The following PAM variants were observed in gnomAD, a reference collection of about 807,000 sequenced individuals.
PAM encodes peptidyl-glycine alpha-amidating monooxygenase.
A neutral mutation model predicts 122.1 loss-of-function variants in PAM; 72 were observed. That is an observed-to-expected ratio of 0.59 (90% confidence interval 0.49 to 0.72). PAM has a LOEUF of 0.72. PAM is among the 30% of genes least tolerant of loss of function. The probability of loss-of-function intolerance (pLI) is 0.00; values close to 1 mark genes in which losing one functional copy is unlikely to be tolerated. For missense variants in PAM, 1,106 were observed against 1,183.7 expected, an observed-to-expected ratio of 0.93 and a Z score of 0.96; for synonymous variants, 389 against 404.4, an observed-to-expected ratio of 0.96 and a Z score of 0.46.
chr5:102,974,272 C>A lies in PAM; in HGVS notation c.1319C>A (p.Ala440Asp). The A allele has an allele frequency of 6.2e-7, 1 of 1,614,008 alleles. No homozygotes were observed. The highest frequency in any genetic ancestry group is 8.5e-7 in the Non-Finnish European group (1 of 1,179,940). Residue 440 changes from alanine to aspartate, a missense_variant, in exon 15 of 26, where the codon GCC (alanine) becomes GAC (aspartate). Ala to Asp is a moderately radical substitution (Grantham distance 126). Coordinates refer to ENST00000438793, the MANE Select transcript of PAM (RefSeq NM_001177306.2). The part of the protein sequence containing the change: ...VQKKDLGRSD[A>D]REGAEHERGN... Reference sequence around the variant, plus strand: ...AAAAAGGATCTTGGTCGATCTGATGCCAGAGAGGGTGCAGAACATGAGAGG... The same window carrying A: ...AAAAAGGATCTTGGTCGATCTGATGACAGAGAGGGTGCAGAACATGAGAGG...
chr5:102,804,463 T>TCC lies in PAM; in HGVS notation c.-374+49115_-374+49116insCC, dbSNP rs1765691065. On this transcript the variant is annotated intron_variant, in intron 1 of 25. Transcript: ENST00000438793. ...CAGGGAAATTTGGTTGCTAACTGGA[T>TCC]TTAAGGGTGATGGGGAGTTACAACC... Among the ~76,000 whole-genome samples the TCC allele has an allele frequency of 2.6e-5, 4 of 152,140 alleles. No individual in the cohort carries two copies. In the East Asian group the frequency reaches 7.7e-4, roughly 29 times the overall value.
At chr5:102,955,273 TATA>T (rs1373045113) in intron 12 of PAM, among the ~76,000 whole-genome samples, 1 of 151,980 alleles carries the variant, frequency 6.6e-6, no homozygotes, top group Non-Finnish European at 1.5e-5. Flanking sequence ...ATCTTTCTAA[TATA>T]ATATATTTTA....
chr5:102,791,141 T>C (rs1761955615), intron 1 of PAM, among the ~76,000 whole-genome samples: 1 of 152,128 alleles, frequency 6.6e-6, no homozygotes, highest in Non-Finnish European at 1.5e-5. Flanking sequence ...ATTGGGATCT[T>C]AGAAATTTGT....
intron 1 of PAM, among the ~76,000 whole-genome samples, chr5:102,788,331 C>A (rs1375024729): frequency 6.6e-6 from 1 of 152,086 alleles, no homozygotes; most frequent in Non-Finnish European, 1.5e-5. Context: ...ATGAAGGTGG[C>A]AGTGAGTTAT....
chr5:102,964,285 A>G (rs1473452426), intron 14 of PAM, among the ~76,000 whole-genome samples: 5 of 151,966 alleles, frequency 3.3e-5, no homozygotes, highest in Non-Finnish European at 5.9e-5. Context: ...GAAATTAACT[A>G]GAAATTAACT....
At chr5:102,819,592 A>G (rs1253228466) in intron 1 of PAM, among the ~76,000 whole-genome samples, 6 of 152,198 alleles carry the variant, frequency 3.9e-5, no homozygotes, top group African/African-American at 1.4e-4. Context: ...GCCTTAAAAG[A>G]AACAATGTAA....
chr5:102,812,652 A>T (rs1227494891), intron 1 of PAM, among the ~76,000 whole-genome samples: 1 of 152,146 alleles, frequency 6.6e-6, no homozygotes, highest in Non-Finnish European at 1.5e-5. Context: ...TTCATACCAC[A>T]GTGTACAGCA....
At chr5:103,012,810 C>G (rs193062816) in intron 21 of PAM, among the ~76,000 whole-genome samples, 1 of 148,320 alleles carries the variant, frequency 6.7e-6, no homozygotes, top group Non-Finnish European at 1.5e-5. Context: ...GAGCGAAGAT[C>G]GTGCCACTGC....
chr5:102,828,262 G>T (rs1200091914), intron 1 of PAM, among the ~76,000 whole-genome samples: 1 of 151,880 alleles, frequency 6.6e-6, no homozygotes, highest in Non-Finnish European at 1.5e-5. Context: ...TGGGAGGATT[G>T]ATTGAGCCTA....
At chr5:102,906,820 C>T (rs982504230) in intron 4 of PAM, among the ~76,000 whole-genome samples, 21 of 151,620 alleles carry the variant, frequency 1.4e-4, no homozygotes, top group South Asian at 2.1e-4. Context: ...CACAATGTTA[C>T]GCATAGCCCT....
At chr5:102,815,061 A>G (rs1003545060) in intron 1 of PAM, among the ~76,000 whole-genome samples, 1 of 151,962 alleles carries the variant, frequency 6.6e-6, no homozygotes, top group African/African-American at 2.4e-5. Flanking sequence ...TATAACTTGT[A>G]TTTTAAGCAA....
intron 1 of PAM, among the ~76,000 whole-genome samples, chr5:102,801,879 C>T (rs955585890): frequency 2.0e-5 from 3 of 147,832 alleles, no homozygotes; most frequent in African/African-American, 5.0e-5. Context: ...CCTGGGTTCA[C>T]GCCATTCTCC....
chr5:102,855,622 C>T (rs753240629), intron 1 of PAM, among the ~76,000 whole-genome samples: 4 of 151,910 alleles, frequency 2.6e-5, no homozygotes, highest in Admixed American at 1.3e-4. Flanking sequence ...GTAGTTAATA[C>T]CTCCTGCCTC....
At chr5:102,900,629 G>A (rs1177566151) in intron 3 of PAM, among the ~76,000 whole-genome samples, 1 of 151,570 alleles carries the variant, frequency 6.6e-6, no homozygotes, top group African/African-American at 2.4e-5. Context: ...TTAAAAGAGT[G>A]CAGCCTGTAT....
intron 1 of PAM, among the ~76,000 whole-genome samples, chr5:102,777,190 T>C (rs953314995): frequency 2.0e-5 from 3 of 152,072 alleles, no homozygotes; most frequent in African/African-American, 7.2e-5. Context: ...AGCAACATTA[T>C]GAATGGATAT....
chr5:102,838,793 G>T (rs1337402247), intron 1 of PAM, among the ~76,000 whole-genome samples: 1 of 152,072 alleles, frequency 6.6e-6, no homozygotes, highest in Non-Finnish European at 1.5e-5. Context: ...GTCTAATTCT[G>T]CATTAAAATC....
intron 1 of PAM, among the ~76,000 whole-genome samples, chr5:102,842,031 A>G (rs760249800): frequency 9.9e-5 from 15 of 152,264 alleles, no homozygotes; most frequent in Middle Eastern, 3.4e-3. Flanking sequence ...ATTGCATATC[A>G]TACACAAAAA....
At chr5:102,941,310 A>G (rs1315047310) in intron 7 of PAM, among the ~76,000 whole-genome samples, 1 of 152,270 alleles carries the variant, frequency 6.6e-6, no homozygotes, top group Non-Finnish European at 1.5e-5. Flanking sequence ...GCCGCAAGGC[A>G]AATGGAAGCT....
In PAM at chr5:103,003,001, G is replaced by A. The variant is rs74633711; in HGVS notation, c.1614-32G>A. On this transcript the variant is annotated intron_variant, in intron 16 of 25. Coordinates refer to ENST00000438793, the MANE Select transcript of PAM (RefSeq NM_001177306.2). ...CTCAATTTCATTGGAATTTATGATTGTTTCATGTCCTATTTAATGCTTTTT... is the reference window on the plus strand; with the variant it reads ...CTCAATTTCATTGGAATTTATGATTATTTCATGTCCTATTTAATGCTTTTT... 1.2e-3 allele frequency: 1,179 copies of A among 951,022 alleles called. 10 individuals are homozygous for A. The African/African-American group carries it at 0.017, about 14-fold the overall frequency. 58.9% of individuals were successfully genotyped at this position (951,022 alleles called of 1,614,324 possible).
Sources: gnomAD v4.1 joint callset for allele counts (sites outside exome capture counted in the v4.1 genomes callset) on GRCh38, gnomAD v4.1.1 for gene constraint, MANE v1.5 for transcripts, NCBI Gene and HGNC (gene_info 2026-07-23, HGNC 2026-07-21) for gene names.